The following SCN8A variants were observed in gnomAD, a reference collection of about 807,000 sequenced individuals.
SCN8A encodes sodium voltage-gated channel alpha subunit 8, also known as sodium channel protein type 8 subunit alpha.
SCN8A carries 30 observed loss-of-function variants against 184.1 expected under a neutral mutation model. The ratio of observed to expected loss-of-function variants is 0.16; its 90% CI spans 0.12 to 0.22. SCN8A has a LOEUF of 0.22. SCN8A is among the 10% of genes least tolerant of loss of function. SCN8A has a pLI of 1.00. For missense variants in SCN8A, 1,057 were observed against 2,498.9 expected (o/e 0.42, Z 12.30); for synonymous variants, 852 against 907.0 (o/e 0.94, Z 1.09).
At chr12:51,785,616 G>C (rs1938063364) in intron 21 of SCN8A, among the ~76,000 whole-genome samples, 1 of 152,128 alleles carries the variant, frequency 6.6e-6, no homozygotes. Flanking sequence ...CAAAATCAAA[G>C]TTGAAAACAA....
chr12:51,628,299 T>C (rs1445473703), intron 1 of SCN8A, among the ~76,000 whole-genome samples: 1 of 152,228 alleles, frequency 6.6e-6, no homozygotes, highest in Non-Finnish European at 1.5e-5. Flanking sequence ...CAAATTTTGT[T>C]TAGAAGTGAC....
chr12:51,766,249 T>C (rs1211133856), intron 16 of SCN8A: 1 of 575,334 alleles, frequency 1.7e-6, no homozygotes, highest in Non-Finnish European at 3.1e-6. Flanking sequence ...TCAACCCTTT[T>C]CCTAGAGTTA....
Position 51,710,376 on chromosome 12 carries a change from G to A in SCN8A, c.1635+3661G>A, listed in dbSNP as rs560146111. Among the ~76,000 whole-genome samples the A allele has an allele frequency of 2.6e-5, 4 of 152,170 alleles. No individual in the cohort carries two copies. The South Asian group carries it at 8.3e-4, about 32-fold the overall frequency. ...GCTCAAGAAACACCCTCTCTAAAAT[G>A]TCCTGTTGGCCAGCACAGTGGCTCA... On this transcript the variant is annotated intron_variant, in intron 11 of 26. Transcript: ENST00000627620.
chr12:51,671,095 A>G (rs1320956469), intron 2 of SCN8A, among the ~76,000 whole-genome samples: 1 of 152,224 alleles, frequency 6.6e-6, no homozygotes. Context: ...CAGAAGAATC[A>G]AAGATTATAT....
intron 12 of SCN8A, among the ~76,000 whole-genome samples, chr12:51,739,004 C>T (rs1299069820): frequency 6.6e-6 from 1 of 152,158 alleles, no homozygotes; most frequent in Non-Finnish European, 1.5e-5. Context: ...TGGTGTTTCC[C>T]AAAATCAGGT....
At chr12:51,649,592 T>C (rs1163922024) in intron 1 of SCN8A, among the ~76,000 whole-genome samples, 1 of 152,078 alleles carries the variant, frequency 6.6e-6, no homozygotes, top group East Asian at 1.9e-4. Context: ...TCTTGGAGCT[T>C]GCACCCTCTG....
intron 12 of SCN8A, among the ~76,000 whole-genome samples, chr12:51,725,646 T>G (rs1193663472): frequency 6.6e-6 from 1 of 152,230 alleles, no homozygotes; most frequent in Non-Finnish European, 1.5e-5. Context: ...AAAAGGAACT[T>G]CCTGACAGCT....
At chr12:51,723,828 A>G (rs985840936) in intron 12 of SCN8A, among the ~76,000 whole-genome samples, 1 of 144,188 alleles carries the variant, frequency 6.9e-6, no homozygotes, top group Non-Finnish European at 1.5e-5. Flanking sequence ...AGCCTGGGCA[A>G]CAGAGCGAGA....
intron 15 of SCN8A, 100 bp downstream of exon 15, chr12:51,762,776 C>A: frequency 9.5e-7 from 1 of 1,056,398 alleles, no homozygotes; most frequent in Non-Finnish European, 1.3e-6. Context: ...AATATATTAG[C>A]TGTATTTTAC....
At chr12:51,772,040 T>G (rs960906858) in intron 19 of SCN8A, among the ~76,000 whole-genome samples, 1 of 152,200 alleles carries the variant, frequency 6.6e-6, no homozygotes, top group Admixed American at 6.5e-5. Context: ...GTCTTAATGA[T>G]TAAGCAAAGG....
chr12:51,746,595 CT>C (rs921746761), intron 13 of SCN8A, among the ~76,000 whole-genome samples: 7 of 152,182 alleles, frequency 4.6e-5, no homozygotes, highest in Admixed American at 4.6e-4. Flanking sequence ...ACCCTTCTTA[CT>C]TTGAGTGCTC....
chr12:51,720,231 GA>G (rs1045147133), intron 11 of SCN8A, among the ~76,000 whole-genome samples: 6 of 150,126 alleles, frequency 4.0e-5, no homozygotes, highest in Admixed American at 1.3e-4. Flanking sequence ...AACTTTTGAT[GA>G]AAAAAATATG....
At chr12:51,653,049 G>A (rs947230650) in intron 1 of SCN8A, among the ~76,000 whole-genome samples, 1 of 152,146 alleles carries the variant, frequency 6.6e-6, no homozygotes, top group African/African-American at 2.4e-5. Flanking sequence ...GCCAAGCGAG[G>A]TGGCTCACGC....
chr12:51,608,577 G>A (rs868136553), intron 1 of SCN8A, among the ~76,000 whole-genome samples: 64 of 152,088 alleles, frequency 4.2e-4, no homozygotes, highest in African/African-American at 1.5e-3. Context: ...AGTGATATCA[G>A]TTGTAATACC....
chr12:51,714,961 AGGATCCCAGGATTTAATAGAGCCAT>A (rs1222011579), intron 11 of SCN8A, among the ~76,000 whole-genome samples: 2 of 152,346 alleles, frequency 1.3e-5, no homozygotes, highest in Non-Finnish European at 2.9e-5. Context: ...TAAACTACAC[AGGATCCCAGGATTTAATAGAGCCAT>A]GGATCCTGAG....
chr12:51,688,483 G>A (rs949737859), intron 5 of SCN8A, among the ~76,000 whole-genome samples: 1 of 152,176 alleles, frequency 6.6e-6, no homozygotes, highest in Non-Finnish European at 1.5e-5. Flanking sequence ...ACTAAAAAAT[G>A]TGAATGGGCT....
chr12:51,808,826 C>T lies in SCN8A; in HGVS notation c.*1397C>T, dbSNP rs2138948010. 1 of 152,350 alleles carries T rather than the reference C, an allele frequency of 6.6e-6. No individual in the cohort carries two copies. Among genetic ancestry groups the T allele is most frequent in the Admixed American group, 6.5e-5 (1 of 15,306 alleles). The allele number at this position is 152,350 out of a possible 1,614,324, so 9.4% of individuals were successfully genotyped here. On this transcript the variant is annotated 3_prime_UTR_variant, in exon 27 of 27. Coordinates refer to ENST00000627620, the MANE Select transcript of SCN8A (RefSeq NM_001330260.2). ...GCATACTCACACACTGCATGGCTCC[C>T]CCTGCCTCCATCACATTTCTCCACT...
chr12:51,674,826 G>C (rs1387814751), intron 2 of SCN8A, among the ~76,000 whole-genome samples: 1 of 152,206 alleles, frequency 6.6e-6, no homozygotes, highest in African/African-American at 2.4e-5. Flanking sequence ...AATTGGAATA[G>C]TGATTGATGG....
chr12:51,778,304 G>C (rs1023087956), intron 20 of SCN8A, among the ~76,000 whole-genome samples: 4 of 149,860 alleles, frequency 2.7e-5, no homozygotes, highest in African/African-American at 1.0e-4. Context: ...ATTTATTTGA[G>C]ATGGAGTTTC....
Sources: allele counts gnomAD v4.1 joint callset (sites outside exome capture counted in the v4.1 genomes callset), GRCh38; gene constraint gnomAD v4.1.1; transcripts MANE v1.5; gene names NCBI Gene and HGNC (gene_info 2026-07-23, HGNC 2026-07-21).